Variants in DNAI4 observed in about 807,000 individuals in gnomAD.
DNAI4 encodes dynein axonemal intermediate chain 4.
DNAI4 carries 85 observed loss-of-function variants against 105.8 expected under a neutral mutation model. The ratio of observed to expected loss-of-function variants is 0.80; its 90% CI spans 0.67 to 0.96. DNAI4 has a LOEUF of 0.96. DNAI4 is among the 40% of genes least tolerant of loss of function. The pLI, the probability that DNAI4 is intolerant of heterozygous loss-of-function variation, is 0.00. For missense variants in DNAI4, 1,014 were observed against 1,005.6 expected (o/e 1.01, Z -0.11); for synonymous variants, 352 against 331.5 (o/e 1.06, Z -0.67).
intron 16 of DNAI4, among the ~76,000 whole-genome samples, chr1:66,816,471 C>T (rs977578531): frequency 5.9e-5 from 9 of 151,878 alleles, no homozygotes; most frequent in Admixed American, 3.9e-4. Flanking sequence ...TACTTTGAAA[C>T]TTCAAATTAT....
intron 6 of DNAI4, among the ~76,000 whole-genome samples, chr1:66,866,517 G>A (rs984074643): frequency 3.9e-5 from 6 of 152,010 alleles, no homozygotes; most frequent in Non-Finnish European, 8.8e-5. Flanking sequence ...GAAATCCTAG[G>A]CTATCTAGTC....
At chr1:66,838,541 A>T (rs1646079254) in intron 9 of DNAI4, among the ~76,000 whole-genome samples, 1 of 152,252 alleles carries the variant, frequency 6.6e-6, no homozygotes, top group Non-Finnish European at 1.5e-5. Flanking sequence ...TACCTAATAC[A>T]GGAGGTCATT....
At chr1:66,837,499 A>G in intron 10 of DNAI4, 3 of 597,880 alleles carry the variant, frequency 5.0e-6, no homozygotes, top group Non-Finnish European at 8.5e-6. Context: ...GTACACATTC[A>G]ATAAATATTT....
chr1:66,837,834 A>G, intron 9 of DNAI4, 38 bp from the exon 10 acceptor site: 2 of 1,538,810 alleles, frequency 1.3e-6, no homozygotes, highest in African/African-American at 2.8e-5. Flanking sequence ...ATAAGAGAAG[A>G]TAGCATTAAA....
chr1:66,909,531 G>A (rs1649505423), intron 1 of DNAI4, among the ~76,000 whole-genome samples: 1 of 149,090 alleles, frequency 6.7e-6, no homozygotes, highest in Non-Finnish European at 1.5e-5. Context: ...CTCTTTGCTT[G>A]GTTTTCCTCC....
chr1:66,890,998 A>C lies in DNAI4; in HGVS notation c.643+156T>G. 1 of 659,642 alleles carries C rather than the reference A, an allele frequency of 1.5e-6. No homozygotes were observed. Among genetic ancestry groups the C allele is most frequent in the Non-Finnish European group, 2.7e-6 (1 of 376,648 alleles). The allele number at this position is 659,642 out of a possible 1,614,324, so 40.9% of individuals were successfully genotyped here. On this transcript the variant is annotated intron_variant, in intron 4 of 16. Coordinates refer to ENST00000371026, the MANE Select transcript of DNAI4 (RefSeq NM_024763.5). The surrounding 1 kb of genome is among the most constrained non-coding windows in gnomAD (Gnocchi z 4.1). ...AACAGTCACCCAGGGAACTTAAAAA[A>C]ATAGATATTCCCCTGGTAATTCTCT...
Position 66,847,483 on chromosome 1 carries a change from C to T in DNAI4, c.1291+1G>A. 1.2e-6 allele frequency: 2 copies of T among 1,609,796 alleles called. No homozygotes were observed. Among genetic ancestry groups the T allele is most frequent in the Non-Finnish European group, 1.7e-6 (2 of 1,178,838 alleles). Reference sequence around the variant, plus strand: ...TAAACATGTTTATTTTTTTTAAATACCTTTTAAAACAGGAAGCTGACGATA... The same window carrying T: ...TAAACATGTTTATTTTTTTTAAATATCTTTTAAAACAGGAAGCTGACGATA... On this transcript the variant is annotated splice_donor_variant, in intron 8 of 16. Transcript: ENST00000371026. LOFTEE classifies it high-confidence loss of function.
At chr1:66,822,595 A>AT (rs1294881250) in intron 15 of DNAI4, 78 bp from the exon 16 acceptor site, 2 of 1,259,326 alleles carry the variant, frequency 1.6e-6, no homozygotes. Context: ...AAAATTTGAC[A>AT]TTTTTTAAAT....
intron 4 of DNAI4, among the ~76,000 whole-genome samples, chr1:66,884,344 G>A (rs934125658): frequency 2.6e-5 from 4 of 152,162 alleles, no homozygotes; most frequent in Non-Finnish European, 5.9e-5. Context: ...CCCAGAAGTA[G>A]GATTGCTGGA....
At chr1:66,923,919 TAAC>T (rs1650828897) in intron 1 of DNAI4, among the ~76,000 whole-genome samples, 10 of 152,202 alleles carry the variant, frequency 6.6e-5, no homozygotes, top group Admixed American at 5.2e-4. Flanking sequence ...AACTGCTGCA[TAAC>T]AACAGAATGT....
chr1:66,824,978 G>A (rs181993151), intron 15 of DNAI4, among the ~76,000 whole-genome samples: 20 of 152,176 alleles, frequency 1.3e-4, no homozygotes, highest in South Asian at 1.2e-3. Flanking sequence ...ATTCCAGCCC[G>A]CCAGCCTGCA....
At chr1:66,866,967 C>A (rs912676505) in intron 6 of DNAI4, among the ~76,000 whole-genome samples, 1 of 152,158 alleles carries the variant, frequency 6.6e-6, no homozygotes, top group African/African-American at 2.4e-5. Context: ...GTGAGAAAAG[C>A]GAGTGACGAG....
At chr1:66,919,799 C>T (rs1437513097) in intron 1 of DNAI4, among the ~76,000 whole-genome samples, 1 of 152,156 alleles carries the variant, frequency 6.6e-6, no homozygotes, top group Non-Finnish European at 1.5e-5. Flanking sequence ...CAACTCTGGC[C>T]CCCAACAGCC....
intron 10 of DNAI4, among the ~76,000 whole-genome samples, chr1:66,836,206 AAGAGAGAGAGAGAGAGAG>A (rs1219534466): frequency 5.9e-5 from 1 of 17,000 alleles, no homozygotes; most frequent in South Asian, 1.5e-3. Flanking sequence ...GAAAGAAAGA[AAGAGAGAGAGAGAGAGAG>A]AGAGAGAGAG....
intron 10 of DNAI4, among the ~76,000 whole-genome samples, chr1:66,836,198 AAGAAAGAAAGAGAGAGAGAG>A (rs1645993539): frequency 1.6e-5 from 1 of 62,944 alleles, no homozygotes; most frequent in Non-Finnish European, 3.8e-5. Context: ...GAAAGAAAGA[AAGAAAGAAAGAGAGAGAGAG>A]AGAGAGAGAG....
intron 2 of DNAI4, among the ~76,000 whole-genome samples, chr1:66,902,550 C>G (rs1648913034): frequency 6.6e-6 from 1 of 152,098 alleles, no homozygotes; most frequent in African/African-American, 2.4e-5. Context: ...ACAGAAATTT[C>G]TAATTTTAAT....
intron 7 of DNAI4, among the ~76,000 whole-genome samples, chr1:66,858,075 C>T (rs1356908704): frequency 6.6e-6 from 1 of 151,926 alleles, no homozygotes; most frequent in African/African-American, 2.4e-5. Context: ...CTACCAAATA[C>T]TAAAGGTAAA....
At chr1:66,816,354 T>C (rs1251952198) in intron 16 of DNAI4, among the ~76,000 whole-genome samples, 1 of 152,070 alleles carries the variant, frequency 6.6e-6, no homozygotes, top group African/African-American at 2.4e-5. Flanking sequence ...AATGAAATCA[T>C]AAGGCTTCCA....
At chr1:66,818,352 T>C (rs567782418) in intron 16 of DNAI4, among the ~76,000 whole-genome samples, 3 of 152,016 alleles carry the variant, frequency 2.0e-5, no homozygotes, top group African/African-American at 4.8e-5. Flanking sequence ...CATAAGAAAA[T>C]TGAAGTACTT....
Sources: allele counts gnomAD v4.1 joint callset (sites outside exome capture counted in the v4.1 genomes callset), GRCh38; gene constraint gnomAD v4.1.1; non-coding constraint Gnocchi (gnomAD v3.1); transcripts MANE v1.5; gene names NCBI Gene and HGNC (gene_info 2026-07-23, HGNC 2026-07-21).